The following ADAMTS17 variants were observed in gnomAD, a reference collection of about 807,000 sequenced individuals.
ADAMTS17 encodes the protein A disintegrin and metalloproteinase with thrombospondin motifs 17.
In ADAMTS17, 113 loss-of-function variants were observed where a neutral mutation model predicts 141.5. The ratio of observed to expected loss-of-function variants is 0.80; its 90% CI spans 0.69 to 0.93. The LOEUF (loss-of-function observed/expected upper bound fraction) is 0.93. ADAMTS17 is among the 40% of genes least tolerant of loss of function. The pLI, the probability that ADAMTS17 is intolerant of heterozygous loss-of-function variation, is 0.00. For synonymous variants in ADAMTS17, 768 were observed against 630.6 expected (o/e 1.22, Z -3.27); for missense variants, 1,659 against 1,517.9 (o/e 1.09, Z -1.54).
intron 7 of ADAMTS17, among the ~76,000 whole-genome samples, chr15:100,252,111 C>G (rs2043173964): frequency 6.6e-6 from 1 of 152,186 alleles, no homozygotes; most frequent in African/African-American, 2.4e-5. Flanking sequence ...CTGCTCTTCA[C>G]CAGGGGCCTG....
At chr15:100,272,355 CTTCT>C (rs1308534752) in intron 4 of ADAMTS17, among the ~76,000 whole-genome samples, 2 of 152,024 alleles carry the variant, frequency 1.3e-5, no homozygotes, top group African/African-American at 4.8e-5. Context: ...CCATTTATGT[CTTCT>C]TTAATTTCCT....
intron 13 of ADAMTS17, among the ~76,000 whole-genome samples, chr15:100,110,181 A>ATT (rs1488343145): frequency 9.5e-5 from 13 of 136,684 alleles, no homozygotes; most frequent in African/African-American, 2.6e-4. Context: ...ATATATATAT[A>ATT]TTTATATACT....
At chr15:100,314,755 A>G (rs542756443) in intron 3 of ADAMTS17, among the ~76,000 whole-genome samples, 1 of 152,334 alleles carries the variant, frequency 6.6e-6, no homozygotes, top group African/African-American at 2.4e-5. Context: ...ACACCAAGTT[A>G]TTGGGAATGG....
intron 14 of ADAMTS17, among the ~76,000 whole-genome samples, chr15:100,101,781 C>T (rs969159925): frequency 6.6e-6 from 1 of 152,178 alleles, no homozygotes; most frequent in African/African-American, 2.4e-5. Context: ...CTTGTTTTTT[C>T]TGGCTGGAAT....
intron 3 of ADAMTS17, among the ~76,000 whole-genome samples, chr15:100,326,257 A>T (rs1386506601): frequency 2.0e-5 from 3 of 152,248 alleles, no homozygotes; most frequent in Admixed American, 2.0e-4. Context: ...ATTTAATGCC[A>T]TTCCTTTTAG....
At chr15:100,058,743 G>A (rs768411984) in intron 15 of ADAMTS17, among the ~76,000 whole-genome samples, 3 of 152,202 alleles carry the variant, frequency 2.0e-5, no homozygotes, top group Non-Finnish European at 2.9e-5. Context: ...TCTGATCACC[G>A]GAGCGGGGTC....
At chr15:100,185,302 C>T (rs1043949905) in intron 8 of ADAMTS17, among the ~76,000 whole-genome samples, 2 of 151,322 alleles carry the variant, frequency 1.3e-5, no homozygotes, top group South Asian at 2.1e-4. Flanking sequence ...AGAACAAGCT[C>T]GTAGAAGAAA....
chr15:100,226,083 C>T (rs1286911653), intron 7 of ADAMTS17, among the ~76,000 whole-genome samples: 1 of 148,866 alleles, frequency 6.7e-6, no homozygotes, highest in Non-Finnish European at 1.5e-5. Flanking sequence ...TGTGCCCATT[C>T]AGTCCTTACA....
In ADAMTS17 at chr15:99,997,452, G is replaced by T. The variant is rs767728567; in HGVS notation, c.2729C>A (p.Pro910Gln). ...TRPLYCPGPR[P>Q]AAVQSCEGQD... ...GCCTTCACAGCTCTGCACTGCCGCC[G>T]GCCGGGGGCCCGGGCAGTAGAGGGG... Residue 910 changes from proline (P) to glutamine (Q), a missense_variant, in exon 19 of 22, where the codon CCG becomes CAG. By Grantham distance (76) the Pro-to-Gln change is moderately conservative. Transcript: ENST00000268070. This position sits in a 1 kb window ranked among gnomAD's most constrained non-coding sequence, Gnocchi z 4.7. 1.2e-6 allele frequency: 2 copies of T among 1,613,610 alleles called. No individual in the cohort carries two copies. Among genetic ancestry groups the T allele is most frequent in the Non-Finnish European group, 8.5e-7 (1 of 1,179,974 alleles).
chr15:100,007,059 C>T (rs1306752150), intron 18 of ADAMTS17, among the ~76,000 whole-genome samples: 1 of 152,188 alleles, frequency 6.6e-6, no homozygotes, highest in Non-Finnish European at 1.5e-5. Context: ...CTTCACAAAC[C>T]TCAGGCAAGT....
intron 12 of ADAMTS17, among the ~76,000 whole-genome samples, chr15:100,124,858 C>T (rs949656938): frequency 1.3e-5 from 2 of 152,128 alleles, no homozygotes; most frequent in Non-Finnish European, 2.9e-5. Flanking sequence ...GTGGAGTCCT[C>T]AGGGCCTTGA....
rs142833258 is a variant in ADAMTS17, at chr15:100,099,340, T to C, written c.2017-2864A>G. 2.4e-3 allele frequency among the ~76,000 whole-genome samples: 362 copies of C among 152,340 alleles called. 1 individual carries two copies. Among genetic ancestry groups the C allele is most frequent in the African/African-American group, 8.3e-3 (347 of 41,588 alleles). On this transcript the variant is annotated intron_variant, in intron 14 of 21. Coordinates refer to ENST00000268070, the MANE Select transcript of ADAMTS17 (RefSeq NM_139057.4). Reference sequence around the variant, plus strand: ...AAAATCTGCGAACGGGGGCATTTTCTTCCATTGTTTCAGTCAGCGCAAGCA... The same window carrying C: ...AAAATCTGCGAACGGGGGCATTTTCCTCCATTGTTTCAGTCAGCGCAAGCA...
chr15:99,974,232 A>G lies in ADAMTS17; in HGVS notation c.*170T>C. ...GAAAGCCAGCCAGTGGCTGTTAACA[A>G]TATATTAAGTACGGAAGCACTAATG... On this transcript the variant is annotated 3_prime_UTR_variant, in exon 22 of 22. Coordinates refer to ENST00000268070, the MANE Select transcript of ADAMTS17 (RefSeq NM_139057.4). 1 of 777,048 alleles carries G rather than the reference A, an allele frequency of 1.3e-6. No homozygotes were observed. Among genetic ancestry groups the G allele is most frequent in the South Asian group, 1.7e-5 (1 of 60,168 alleles). 48.1% of individuals were successfully genotyped at this position (777,048 alleles called of 1,614,324 possible). A position where few individuals can be genotyped will look rare whatever the true frequency, so the allele number is the denominator to read the frequency against.
rs917905991 is a variant in ADAMTS17 at position 99,976,116 on chromosome 15, G to C, written c.3056C>G (p.Pro1019Arg). Residue 1019 changes from proline to arginine, a missense_variant, in exon 21 of 22, where the codon CCC becomes CGC. By Grantham distance (103) the Pro-to-Arg change is moderately radical. Transcript: ENST00000268070. Reference sequence around the variant, plus strand: ...GACCTCCTGGTAGCACTGTCTGTAGGGGGCAGGCTTCGAGAGGGCGGGGCA... The same window carrying C: ...GACCTCCTGGTAGCACTGTCTGTAGCGGGCAGGCTTCGAGAGGGCGGGGCA... Reference protein sequence around the residue: ...SECPALSKPAPYRQCYQEVCN... With the variant: ...SECPALSKPARYRQCYQEVCN... 13 of 1,551,394 alleles carry C rather than the reference G, an allele frequency of 8.4e-6. No homozygotes were observed. The African/African-American group carries it at 1.4e-4, about 16-fold the overall frequency.
chr15:100,338,890 C>T, intron 2 of ADAMTS17: 3 of 966,056 alleles, frequency 3.1e-6, no homozygotes, highest in Non-Finnish European at 3.7e-6. Flanking sequence ...CTTGGTTAGC[C>T]CAAATTCCTG....
At chr15:100,137,019 T>C (rs2078197280) in intron 10 of ADAMTS17, among the ~76,000 whole-genome samples, 1 of 152,230 alleles carries the variant, frequency 6.6e-6, no homozygotes, top group Admixed American at 6.5e-5. Context: ...AGGAAATTTA[T>C]ATCAACTAAA....
In ADAMTS17 at chr15:100,098,042, A is replaced by G. The variant is rs375115511; in HGVS notation, c.2017-1566T>C. ...CTGAAAAAGGGCAGAGCTTGAATAA[A>G]AGATCAAACTTGTTCAAAGTTAGTA... On this transcript the variant is annotated intron_variant, in intron 14 of 21. Transcript: ENST00000268070. Among the ~76,000 whole-genome samples, 315 of 152,360 alleles carry G rather than the reference A, an allele frequency of 2.1e-3. 2 individuals carry two copies. Among genetic ancestry groups the G allele is most frequent in the African/African-American group, 7.2e-3 (300 of 41,584 alleles).
intron 18 of ADAMTS17, among the ~76,000 whole-genome samples, chr15:100,034,619 C>A (rs56089256): frequency 6.6e-6 from 1 of 152,114 alleles, no homozygotes; most frequent in Non-Finnish European, 1.5e-5. Context: ...TGACCTTGGC[C>A]GACAAGCAGT....
chr15:100,329,608 G>T (rs564045227), intron 3 of ADAMTS17, among the ~76,000 whole-genome samples: 2 of 151,528 alleles, frequency 1.3e-5, no homozygotes, highest in East Asian at 3.9e-4. Context: ...CTATTAAAAG[G>T]TATTTTTTAG....
Sources: allele counts gnomAD v4.1 joint callset (sites outside exome capture counted in the v4.1 genomes callset), GRCh38; gene constraint gnomAD v4.1.1; non-coding constraint Gnocchi (gnomAD v3.1); transcripts MANE v1.5; gene names NCBI Gene and HGNC (gene_info 2026-07-23, HGNC 2026-07-21).